The following RBFOX1 variants were observed in gnomAD, a reference collection of about 807,000 sequenced individuals.
The protein encoded by RBFOX1 is RNA binding protein fox-1 homolog 1.
RBFOX1 carries 8 observed loss-of-function variants against 57.7 expected under a neutral mutation model. The observed-to-expected ratio is 0.14, with a 90% CI of 0.08 to 0.25. RBFOX1 has a LOEUF of 0.25. Ranked by LOEUF, RBFOX1 falls within the 10% of genes least tolerant of loss-of-function variation. The pLI, the probability that RBFOX1 is intolerant of heterozygous loss-of-function variation, is 1.00. For synonymous variants in RBFOX1, 326 were observed against 222.4 expected (o/e 1.47, Z -4.15); for missense variants, 611 against 548.5 (o/e 1.11, Z -1.14).
chr16:6,120,555 A>C (rs2096541584), intron 1 of RBFOX1, among the ~76,000 whole-genome samples: 1 of 152,114 alleles, frequency 6.6e-6, no homozygotes, highest in Non-Finnish European at 1.5e-5. Context: ...CATGGGTTTT[A>C]TAGGTACACT....
chr16:5,855,501 C>T (rs2057001810), intron 3 of RBFOX1, among the ~76,000 whole-genome samples: 1 of 152,088 alleles, frequency 6.6e-6, no homozygotes, highest in Non-Finnish European at 1.5e-5. Context: ...ATTGTGTGTT[C>T]TTGGCATTCT....
chr16:7,503,249 G>T (rs2071603410), intron 4 of RBFOX1, among the ~76,000 whole-genome samples: 1 of 152,118 alleles, frequency 6.6e-6, no homozygotes, highest in Non-Finnish European at 1.5e-5. Context: ...TTCTTAGTGG[G>T]ATACCGTAGT....
At chr16:7,187,069 G>A (rs1271435927) in intron 4 of RBFOX1, among the ~76,000 whole-genome samples, 1 of 151,318 alleles carries the variant, frequency 6.6e-6, no homozygotes, top group Non-Finnish European at 1.5e-5. Flanking sequence ...TTGGGAGGTT[G>A]AGGTAGGAGG....
chr16:7,664,690 GACCTAGCAC>G, intron 12 of RBFOX1: 1 of 607,392 alleles, frequency 1.6e-6, no homozygotes, highest in South Asian at 2.2e-5. Context: ...GGAAGTTTGG[GACCTAGCAC>G]ACCGCCACCA....
At chr16:6,835,264 C>G (rs1603630412) in intron 3 of RBFOX1, among the ~76,000 whole-genome samples, 1 of 152,132 alleles carries the variant, frequency 6.6e-6, no homozygotes, top group East Asian at 1.9e-4. Context: ...TCCACAAACA[C>G]AGCTGCTATG....
intron 10 of RBFOX1, among the ~76,000 whole-genome samples, chr16:7,615,371 A>G (rs1330853233): frequency 6.6e-6 from 1 of 152,026 alleles, no homozygotes; most frequent in African/African-American, 2.4e-5. Flanking sequence ...ATGAAAACAC[A>G]TTTGCATTTA....
chr16:5,447,734 C>G (rs1017905524), intron 1 of RBFOX1, among the ~76,000 whole-genome samples: 2 of 152,214 alleles, frequency 1.3e-5, no homozygotes, highest in Middle Eastern at 3.2e-3. Flanking sequence ...CTCTCATCAG[C>G]TTCTCTCAGC....
chr16:5,645,290 G>T (rs2049016576), intron 3 of RBFOX1, among the ~76,000 whole-genome samples: 1 of 150,654 alleles, frequency 6.6e-6, no homozygotes, highest in Admixed American at 6.6e-5. Context: ...AAAAAAACAT[G>T]CTGAGTGAAA....
intron 3 of RBFOX1, among the ~76,000 whole-genome samples, chr16:6,770,056 A>G (rs937096934): frequency 2.6e-5 from 4 of 152,194 alleles, no homozygotes; most frequent in Non-Finnish European, 5.9e-5. Flanking sequence ...GAGGAAAGAA[A>G]TTAGAAATCA....
chr16:7,608,022 G>T lies in RBFOX1; in HGVS notation c.676+684G>T, dbSNP rs967483796. 4.6e-5 allele frequency among the ~76,000 whole-genome samples: 7 copies of T among 152,148 alleles called. No individual in the cohort carries two copies. The South Asian group carries it at 1.5e-3, about 32-fold the overall frequency. On this transcript the variant is annotated intron_variant, in intron 10 of 15. Transcript: ENST00000550418. ...GAGATTTCATGTCTCGATGTCCTCG[G>T]CTTGGCCCGTCACTACTGCCTGTAT...
chr16:6,215,852 T>G (rs1337018858), intron 1 of RBFOX1, among the ~76,000 whole-genome samples: 1 of 152,124 alleles, frequency 6.6e-6, no homozygotes, highest in Non-Finnish European at 1.5e-5. Context: ...TATAACCCAG[T>G]ATGAATCAAC....
In RBFOX1 at chr16:6,737,696, C is replaced by G. The variant is rs571616518; in HGVS notation, c.-16+83046C>G. ...GGCTAGGCTTTTTCCTCAAAATGTCCCAGAGCCTTAGGTTGGATGAATGTC... is the reference window on the plus strand; with the variant it reads ...GGCTAGGCTTTTTCCTCAAAATGTCGCAGAGCCTTAGGTTGGATGAATGTC... On this transcript the variant is annotated intron_variant, in intron 3 of 15. Coordinates refer to ENST00000550418, the MANE Select transcript of RBFOX1 (RefSeq NM_018723.4). 2.0e-5 allele frequency among the ~76,000 whole-genome samples: 3 copies of G among 152,152 alleles called. No homozygotes were observed. In the South Asian group the frequency reaches 6.2e-4, roughly 32 times the overall value.
At chr16:6,051,768 TAGTC>T (rs1444159245) in intron 1 of RBFOX1, among the ~76,000 whole-genome samples, 2 of 152,192 alleles carry the variant, frequency 1.3e-5, no homozygotes, top group Non-Finnish European at 2.9e-5. Context: ...TTCATCATAT[TAGTC>T]AGGCTGATCT....
chr16:5,621,948 C>T (rs1182699349), intron 3 of RBFOX1, among the ~76,000 whole-genome samples: 3 of 152,202 alleles, frequency 2.0e-5, no homozygotes, highest in Admixed American at 6.5e-5. Flanking sequence ...ACTGGCCCAG[C>T]ATCTCCTGGG....
chr16:7,292,776 G>C (rs11077168), intron 4 of RBFOX1, among the ~76,000 whole-genome samples: 39,372 of 151,756 alleles, frequency 0.26, 5,289 homozygotes, highest in Middle Eastern at 0.35. Context: ...TATCTGATAC[G>C]AGGTGAAGGA....
chr16:6,022,110 A>C (rs2095092660), intron 1 of RBFOX1, among the ~76,000 whole-genome samples: 1 of 152,140 alleles, frequency 6.6e-6, no homozygotes, highest in African/African-American at 2.4e-5. Context: ...CCACTGGCCA[A>C]GATATAGGTT....
At chr16:7,101,824 G>A (rs556702628) in intron 4 of RBFOX1, among the ~76,000 whole-genome samples, 1 of 152,074 alleles carries the variant, frequency 6.6e-6, no homozygotes, top group Non-Finnish European at 1.5e-5. Context: ...CTGAGCTAGG[G>A]ATTTCCAAGG....
chr16:6,391,321 A>G (rs1005068690), intron 2 of RBFOX1, among the ~76,000 whole-genome samples: 8 of 152,086 alleles, frequency 5.3e-5, no homozygotes, highest in African/African-American at 1.9e-4. Context: ...CATCCTGGCT[A>G]ACACGGTGAA....
rs930935288 is a variant in RBFOX1 at position 6,584,041 on chromosome 16, T to C, written c.-63-70562T>C. On this transcript the variant is annotated intron_variant, in intron 2 of 15. Transcript: ENST00000550418. The stretch of plus-strand genomic sequence containing the variant: ...AACTCAAAATTGTAGGATTCCTTAG[T>C]AGAAGGTTCTTTTAACAATAATAAA... Among the ~76,000 whole-genome samples the C allele has an allele frequency of 2.5e-4, 38 of 150,180 alleles. 1 individual carries two copies. Among genetic ancestry groups the C allele is most frequent in the Admixed American group, 1.9e-3 (28 of 15,072 alleles).
Sources: gnomAD v4.1 joint callset for allele counts (sites outside exome capture counted in the v4.1 genomes callset) on GRCh38, gnomAD v4.1.1 for gene constraint, MANE v1.5 for transcripts, NCBI Gene and HGNC (gene_info 2026-07-23, HGNC 2026-07-21) for gene names.